MRPS27: variants seen among roughly 807,000 people sequenced by gnomAD.
The protein encoded by MRPS27 is small ribosomal subunit protein mS27.
MRPS27 carries 43 observed loss-of-function variants against 48.9 expected under a neutral mutation model. That is an observed-to-expected ratio of 0.88 (90% CI 0.69 to 1.13). The LOEUF (loss-of-function observed/expected upper bound fraction) is 1.13. Among genes scored for constraint, MRPS27 ranks in the 50% most tolerant of loss-of-function variants. MRPS27 has a pLI of 0.00. For synonymous variants in MRPS27, 188 were observed against 171.9 expected, an observed-to-expected ratio of 1.09 and a Z score of -0.73; for missense variants, 467 against 476.3, an observed-to-expected ratio of 0.98 and a Z score of 0.18.
intron 4 of MRPS27, among the ~76,000 whole-genome samples, chr5:72,280,982 T>A (rs1010762591): frequency 9.2e-5 from 14 of 152,246 alleles, no homozygotes; most frequent in African/African-American, 3.4e-4. Context: ...AAATGTGATA[T>A]CCTTTCTAAA....
At chr5:72,267,344 T>C (rs1475059897) in intron 4 of MRPS27, among the ~76,000 whole-genome samples, 3 of 152,214 alleles carry the variant, frequency 2.0e-5, no homozygotes, top group African/African-American at 7.2e-5. Context: ...AGAAAGACAA[T>C]GTATACACAG....
intron 4 of MRPS27, among the ~76,000 whole-genome samples, chr5:72,272,414 G>A (rs1749272539): frequency 6.6e-6 from 1 of 152,176 alleles, no homozygotes. Flanking sequence ...TTCCTTCTGG[G>A]ATTATGGAAT....
intron 4 of MRPS27, among the ~76,000 whole-genome samples, chr5:72,282,834 T>C (rs1413210951): frequency 6.6e-6 from 1 of 152,204 alleles, no homozygotes. Flanking sequence ...GTAAATGAAG[T>C]CTGTCACCTA....
intron 10 of MRPS27, among the ~76,000 whole-genome samples, chr5:72,221,768 C>G (rs553912602): frequency 6.6e-6 from 1 of 152,320 alleles, no homozygotes; most frequent in East Asian, 1.9e-4. Flanking sequence ...CCGTTAGAAG[C>G]GTCTGCCTGC....
At chr5:72,258,341 CA>C (rs1748868578) in intron 4 of MRPS27, among the ~76,000 whole-genome samples, 1 of 152,048 alleles carries the variant, frequency 6.6e-6, no homozygotes, top group Admixed American at 6.6e-5. Flanking sequence ...GCTTATCAAG[CA>C]AAGAGAGAAA....
chr5:72,286,796 A>T (rs540616622), intron 4 of MRPS27, among the ~76,000 whole-genome samples: 1 of 152,222 alleles, frequency 6.6e-6, no homozygotes, highest in Non-Finnish European at 1.5e-5. Flanking sequence ...ACTGCTGGGA[A>T]ATAGTATGGC....
intron 2 of MRPS27, among the ~76,000 whole-genome samples, chr5:72,311,701 G>A (rs1003658233): frequency 5.3e-5 from 8 of 152,176 alleles, no homozygotes; most frequent in African/African-American, 1.2e-4. Flanking sequence ...ACCCCTCAAC[G>A]CTGGCCTTCT....
At chr5:72,302,046 T>C (rs1359911779) in intron 2 of MRPS27, among the ~76,000 whole-genome samples, 1 of 152,240 alleles carries the variant, frequency 6.6e-6, no homozygotes, top group Non-Finnish European at 1.5e-5. Flanking sequence ...CTGTGGCAGA[T>C]GGTTGTGGAC....
chr5:72,284,778 T>C (rs1474698607), intron 4 of MRPS27, among the ~76,000 whole-genome samples: 2 of 152,186 alleles, frequency 1.3e-5, no homozygotes, highest in Non-Finnish European at 2.9e-5. Flanking sequence ...CCTACTCTTG[T>C]TTTTTTCACT....
At chr5:72,283,127 C>G (rs896143841) in intron 4 of MRPS27, among the ~76,000 whole-genome samples, 1 of 151,994 alleles carries the variant, frequency 6.6e-6, no homozygotes, top group Non-Finnish European at 1.5e-5. Flanking sequence ...AAGCTGATGT[C>G]CAGAGAGTTC....
chr5:72,290,573 C>A (rs184622746), intron 4 of MRPS27, among the ~76,000 whole-genome samples: 2 of 152,144 alleles, frequency 1.3e-5, no homozygotes, highest in African/African-American at 4.8e-5. Flanking sequence ...GTTGGGTGTG[C>A]TCAGCCAATC....
chr5:72,307,208 C>T (rs1023394821), intron 2 of MRPS27, among the ~76,000 whole-genome samples: 1 of 151,996 alleles, frequency 6.6e-6, no homozygotes, highest in South Asian at 2.1e-4. Context: ...AAAAATTAGC[C>T]GGGCATGGTG....
chr5:72,269,260 G>A (rs977881008), intron 4 of MRPS27, among the ~76,000 whole-genome samples: 4 of 152,182 alleles, frequency 2.6e-5, no homozygotes, highest in Admixed American at 1.3e-4. Context: ...GTCTAGAAGA[G>A]GCAGTGTTTT....
In MRPS27 at chr5:72,238,145, A is replaced by G; in HGVS notation, c.282-17T>C. ...TGTCGAAACCTAAATAAGCACAAGA[A>G]GAGAGAAAACTGGTGTTAACTCTTA... On this transcript the variant is annotated splice_polypyrimidine_tract_variant and intron_variant, in intron 4 of 10. Coordinates refer to ENST00000261413, the MANE Select transcript of MRPS27 (RefSeq NM_015084.3). The G allele has an allele frequency of 6.3e-7, 1 of 1,576,816 alleles. No individual in the cohort carries two copies. Among genetic ancestry groups the G allele is most frequent in the South Asian group, 1.1e-5 (1 of 90,232 alleles).
At chr5:72,304,039 A>G (rs1462591565) in intron 2 of MRPS27, among the ~76,000 whole-genome samples, 5 of 152,190 alleles carry the variant, frequency 3.3e-5, no homozygotes, top group Non-Finnish European at 5.9e-5. Flanking sequence ...AAATAATGTT[A>G]TATGTGTTTT....
intron 4 of MRPS27, among the ~76,000 whole-genome samples, chr5:72,247,227 C>T (rs1748532596): frequency 6.6e-6 from 1 of 152,192 alleles, no homozygotes; most frequent in African/African-American, 2.4e-5. Context: ...TATAAAAACA[C>T]AGCTTACGGG....
At chr5:72,264,734 G>A (rs529492393) in intron 4 of MRPS27, among the ~76,000 whole-genome samples, 26 of 152,280 alleles carry the variant, frequency 1.7e-4, no homozygotes, top group South Asian at 6.2e-4. Flanking sequence ...GAAACTAAGA[G>A]GAAGACATGG....
chr5:72,276,405 A>G (rs1348499361), intron 4 of MRPS27, among the ~76,000 whole-genome samples: 2 of 152,222 alleles, frequency 1.3e-5, no homozygotes, highest in Admixed American at 1.3e-4. Flanking sequence ...CCCTTACACA[A>G]AAATTAAGTC....
At chr5:72,262,822 T>C (rs1050919065) in intron 4 of MRPS27, among the ~76,000 whole-genome samples, 2 of 152,052 alleles carry the variant, frequency 1.3e-5, no homozygotes, top group African/African-American at 2.4e-5. Flanking sequence ...TGAGGCTAGA[T>C]TGCAGTGGCA....
Sources: allele counts gnomAD v4.1 joint callset (sites outside exome capture counted in the v4.1 genomes callset), GRCh38; gene constraint gnomAD v4.1.1; transcripts MANE v1.5; gene names NCBI Gene and HGNC (gene_info 2026-07-23, HGNC 2026-07-21).